CLMP: variants seen among roughly 807,000 people sequenced by gnomAD.
CLMP encodes CXADR like cell adhesion molecule, also known as CXADR-like membrane protein.
CLMP carries 27 observed loss-of-function variants against 45.2 expected under a neutral mutation model. That is an observed-to-expected ratio of 0.60 (90% confidence interval 0.44 to 0.82). The LOEUF (loss-of-function observed/expected upper bound fraction) is 0.82. Among genes scored for constraint, CLMP ranks in the 40% least tolerant of loss-of-function variants. The pLI is 0.00. For synonymous variants in CLMP, 167 were observed against 171.4 expected (o/e 0.97, Z 0.20); for missense variants, 403 against 448.4 (o/e 0.90, Z 0.91).
chr11:123,172,199 C>G (rs1424676622), intron 1 of CLMP, among the ~76,000 whole-genome samples: 26 of 151,878 alleles, frequency 1.7e-4, no homozygotes. Flanking sequence ...TGCCCAGGTG[C>G]CTCCTGGGGT....
intron 1 of CLMP, among the ~76,000 whole-genome samples, chr11:123,194,654 C>T (rs536491207): frequency 5.9e-5 from 9 of 152,364 alleles, no homozygotes; most frequent in African/African-American, 2.2e-4. Flanking sequence ...AGAAACTAAA[C>T]ACCGCCCTAA....
Position 123,150,529 on chromosome 11 carries a change from A to AAGG in CLMP, c.28+44383_28+44384insCCT, listed in dbSNP as rs1565397642. 5.4e-3 allele frequency among the ~76,000 whole-genome samples: 649 copies of AAGG among 120,068 alleles called. 11 individuals carry two copies. Among genetic ancestry groups the AAGG allele is most frequent in the Non-Finnish European group, 8.3e-3 (477 of 57,520 alleles). The allele number at this position is 120,068 out of a possible 152,430, so 78.8% of individuals were successfully genotyped here. ...GAAGGAAGGAAGGAAGGAAGGAAGG[A>AAGG]AAGAAACAAGCAAGGAAGGAAGGAA... On this transcript the variant is annotated intron_variant, in intron 1 of 6. Transcript: ENST00000448775.
intron 1 of CLMP, among the ~76,000 whole-genome samples, chr11:123,152,554 AT>A (rs1244789257): frequency 6.8e-6 from 1 of 147,284 alleles, no homozygotes; most frequent in Non-Finnish European, 1.5e-5. Context: ...AAATAAATAA[AT>A]AAATAAATAA....
chr11:123,128,264 C>A (rs984459199), intron 1 of CLMP, among the ~76,000 whole-genome samples: 14 of 151,432 alleles, frequency 9.2e-5, no homozygotes, highest in Admixed American at 3.3e-4. Context: ...ACTCAGCCAA[C>A]CAGGAAGAAA....
chr11:123,138,816 G>C (rs568434407), intron 1 of CLMP, among the ~76,000 whole-genome samples: 28 of 152,188 alleles, frequency 1.8e-4, no homozygotes, highest in African/African-American at 6.7e-4. Context: ...ACCACACCCA[G>C]CTAATTTTTT....
At chr11:123,179,080 C>G (rs1366162919) in intron 1 of CLMP, among the ~76,000 whole-genome samples, 1 of 152,180 alleles carries the variant, frequency 6.6e-6, no homozygotes, top group African/African-American at 2.4e-5. Flanking sequence ...AGCCACTACA[C>G]CCAGCCTGAT....
At chr11:123,085,116 G>A (rs886829564) in intron 2 of CLMP, among the ~76,000 whole-genome samples, 20 of 151,284 alleles carry the variant, frequency 1.3e-4, no homozygotes, top group African/African-American at 4.4e-4. Flanking sequence ...AAGAAACCTC[G>A]GGACCCCTCG....
chr11:123,097,106 G>T (rs1021962419), intron 2 of CLMP, among the ~76,000 whole-genome samples: 8 of 151,598 alleles, frequency 5.3e-5, no homozygotes, highest in Admixed American at 1.3e-4. Context: ...CCCCCCTCAG[G>T]CTCCCAAAGT....
rs1057031726 is a variant in CLMP at position 123,073,330 on chromosome 11, C to T, written c.*144G>A. 3.3e-6 allele frequency: 3 copies of T among 903,006 alleles called. No homozygotes were observed. The highest frequency in any genetic ancestry group is 3.4e-6 in the Non-Finnish European group (2 of 591,730). The allele number at this position is 903,006 out of a possible 1,614,324, so 55.9% of individuals were successfully genotyped here. A position where few individuals can be genotyped will look rare whatever the true frequency, so the allele number is the denominator to read the frequency against. On this transcript the variant is annotated 3_prime_UTR_variant, in exon 7 of 7. Coordinates refer to ENST00000448775, the MANE Select transcript of CLMP (RefSeq NM_024769.5). The stretch of plus-strand genomic sequence containing the variant: ...TTTGGTATTGTATAAGGAAAATGCT[C>T]ATCTGAATCTGTTCCGTGCAATGCT...
chr11:123,154,590 T>C (rs1222698642), intron 1 of CLMP, among the ~76,000 whole-genome samples: 1 of 152,136 alleles, frequency 6.6e-6, no homozygotes, highest in Non-Finnish European at 1.5e-5. Context: ...ACACGGCATG[T>C]CATGTCAAAT....
chr11:123,193,090 A>G (rs1242919740), intron 1 of CLMP: 2 of 152,232 alleles, frequency 1.3e-5, no homozygotes, highest in East Asian at 1.9e-4. Context: ...GGTGTGGCAG[A>G]GGGTAAGCGC....
At chr11:123,189,225 C>T (rs1015296072) in intron 1 of CLMP, among the ~76,000 whole-genome samples, 2 of 152,162 alleles carry the variant, frequency 1.3e-5, no homozygotes, top group Admixed American at 1.3e-4. Context: ...AAAGATGAAG[C>T]CTCTGCTTCA....
chr11:123,078,687 T>C lies in CLMP; in HGVS notation c.680-3844A>G, dbSNP rs866160463. On this transcript the variant is annotated intron_variant, in intron 5 of 6. Transcript: ENST00000448775. ...TGAGACAGAGTCCTGCTCTGTCGCC[T>C]AGGCTGGAGTGCAGTGGCGGGATCT... is the stretch of plus-strand genomic sequence containing the variant. 4.2e-5 allele frequency among the ~76,000 whole-genome samples: 6 copies of C among 143,622 alleles called. No individual in the cohort carries two copies. The South Asian group carries it at 6.8e-4, about 16-fold the overall frequency. 94.2% of individuals were successfully genotyped at this position (143,622 alleles called of 152,430 possible).
In CLMP at chr11:123,092,979, C is replaced by T. The variant is rs943678516; in HGVS notation, c.186+4816G>A. On this transcript the variant is annotated intron_variant, in intron 2 of 6. Transcript: ENST00000448775. ...CTGGAGTGCAGCGGTATGATCTCTG[C>T]TCACTGCAACCTCCTCATCCCAGGT... Among the ~76,000 whole-genome samples, 5 of 149,520 alleles carry T rather than the reference C, an allele frequency of 3.3e-5. No individual in the cohort carries two copies. In the South Asian group the frequency reaches 6.3e-4, roughly 19 times the overall value.
At chr11:123,173,791 C>G (rs552509486) in intron 1 of CLMP, among the ~76,000 whole-genome samples, 1 of 152,228 alleles carries the variant, frequency 6.6e-6, no homozygotes, top group Non-Finnish European at 1.5e-5. Flanking sequence ...AAAAAAAATT[C>G]CAGGCCTGGG....
chr11:123,094,496 G>A (rs1371172941), intron 2 of CLMP, among the ~76,000 whole-genome samples: 1 of 152,304 alleles, frequency 6.6e-6, no homozygotes, highest in East Asian at 1.9e-4. Flanking sequence ...ACACATGTGG[G>A]CATACCTCAG....
At chr11:123,141,496 AT>A (rs2135517410) in intron 1 of CLMP, among the ~76,000 whole-genome samples, 1 of 152,204 alleles carries the variant, frequency 6.6e-6, no homozygotes, top group African/African-American at 2.4e-5. Flanking sequence ...GCATTCCTTG[AT>A]AGCAATGCAA....
chr11:123,115,578 C>T (rs907501353), intron 1 of CLMP, among the ~76,000 whole-genome samples: 2 of 151,282 alleles, frequency 1.3e-5, no homozygotes, highest in African/African-American at 4.9e-5. Flanking sequence ...TTCCAGGGTA[C>T]AGAAACAGAA....
intron 1 of CLMP, among the ~76,000 whole-genome samples, chr11:123,106,102 C>A (rs1860544804): frequency 1.3e-5 from 2 of 152,076 alleles, no homozygotes; most frequent in South Asian, 4.1e-4. Flanking sequence ...AGCTGTGAGC[C>A]ACCATGCCCT....
Sources: allele counts gnomAD v4.1 joint callset (sites outside exome capture counted in the v4.1 genomes callset), GRCh38; gene constraint gnomAD v4.1.1; transcripts MANE v1.5; gene names NCBI Gene and HGNC (gene_info 2026-07-23, HGNC 2026-07-21).